PATJ: variants seen among roughly 807,000 people sequenced by gnomAD.
The protein encoded by PATJ is PATJ crumbs cell polarity complex component, also known as inaD-like protein.
In PATJ, 190 loss-of-function variants were observed where a neutral mutation model predicts 224.9. The ratio of observed to expected loss-of-function variants is 0.84; its 90% CI spans 0.75 to 0.95. The LOEUF (loss-of-function observed/expected upper bound fraction) is 0.95. Ranked by LOEUF, PATJ falls within the 40% of genes least tolerant of loss-of-function variation. The pLI is 0.00. For synonymous variants in PATJ, 769 were observed against 820.3 expected (o/e 0.94, Z 1.07); for missense variants, 2,121 against 2,270.3 (o/e 0.93, Z 1.34).
chr1:61,841,222 G>A (rs1661034721), intron 17 of PATJ, among the ~76,000 whole-genome samples: 1 of 151,822 alleles, frequency 6.6e-6, no homozygotes, highest in Non-Finnish European at 1.5e-5. Context: ...GTTTATTAGA[G>A]AATTTAGCTT....
intron 27 of PATJ, among the ~76,000 whole-genome samples, chr1:61,956,912 C>A (rs1013200619): frequency 6.6e-6 from 1 of 152,198 alleles, no homozygotes; most frequent in Non-Finnish European, 1.5e-5. Flanking sequence ...TTTCACAGAT[C>A]ACAGAACCTG....
At chr1:61,783,108 C>G (rs1647689201) in intron 7 of PATJ, among the ~76,000 whole-genome samples, 3 of 151,984 alleles carry the variant, frequency 2.0e-5, no homozygotes, top group Admixed American at 6.6e-5. Flanking sequence ...TAAGGAAGGC[C>G]CAGCTTGAGG....
At chr1:61,970,379 G>A (rs187484436) in intron 27 of PATJ, among the ~76,000 whole-genome samples, 3 of 151,564 alleles carry the variant, frequency 2.0e-5, no homozygotes, top group Admixed American at 1.3e-4. Context: ...ACATTGACAC[G>A]TCATTATCAC....
Position 61,789,794 on chromosome 1 carries a change from A to C in PATJ, c.1069-1554A>C, listed in dbSNP as rs554745455. Among the ~76,000 whole-genome samples the C allele has an allele frequency of 2.0e-5, 3 of 152,246 alleles. No individual in the cohort carries two copies. The East Asian group carries it at 5.8e-4, about 29-fold the overall frequency. Reference sequence around the variant, plus strand: ...TCCACTACACTCCAGCCTCGGTGACAGAGTGAGACTCTGTCTCAAAAAAAT... The same window carrying C: ...TCCACTACACTCCAGCCTCGGTGACCGAGTGAGACTCTGTCTCAAAAAAAT... On this transcript the variant is annotated intron_variant, in intron 8 of 43. Transcript: ENST00000642238.
intron 30 of PATJ, chr1:62,038,822 C>T (rs1158549188): frequency 2.1e-5 from 14 of 676,440 alleles, no homozygotes; most frequent in African/African-American, 5.3e-5. Context: ...GGTTCTGGGC[C>T]GGGGTGGACG....
At chr1:61,991,425 G>C (rs969675406) in intron 28 of PATJ, 1 of 870,914 alleles carries the variant, frequency 1.1e-6, no homozygotes, top group Non-Finnish European at 1.4e-6. Flanking sequence ...CTGAGTGTTA[G>C]ACTGCTTACT....
At chr1:61,770,831 G>A (rs1433888056) in intron 5 of PATJ, among the ~76,000 whole-genome samples, 1 of 151,524 alleles carries the variant, frequency 6.6e-6, no homozygotes, top group Non-Finnish European at 1.5e-5. Flanking sequence ...AATCACCTGA[G>A]CCTGGGAGGC....
chr1:61,807,373 C>T (rs937244588), intron 13 of PATJ, among the ~76,000 whole-genome samples: 3 of 152,004 alleles, frequency 2.0e-5, no homozygotes, highest in African/African-American at 7.2e-5. Flanking sequence ...GATGGTGTCT[C>T]GCTGTGTTGC....
chr1:61,906,891 G>A (rs1245273861), intron 24 of PATJ, among the ~76,000 whole-genome samples: 2 of 152,132 alleles, frequency 1.3e-5, no homozygotes, highest in African/African-American at 4.8e-5. Flanking sequence ...TAAGTGATAT[G>A]ATTTGGCTGT....
At chr1:61,869,458 A>G (rs1665986489) in intron 20 of PATJ, among the ~76,000 whole-genome samples, 1 of 152,090 alleles carries the variant, frequency 6.6e-6, no homozygotes. Context: ...GAGGGCATTT[A>G]TAGTAGCTTA....
chr1:62,127,873 C>A, intron 39 of PATJ, 99 bp from the exon 40 acceptor site: 1 of 1,224,902 alleles, frequency 8.2e-7, no homozygotes, highest in Non-Finnish European at 1.2e-6. Context: ...GGCCTCCTAC[C>A]TCATGGAGGG....
intron 1 of PATJ, among the ~76,000 whole-genome samples, chr1:61,743,724 A>G (rs981604914): frequency 7.9e-5 from 12 of 152,220 alleles, no homozygotes; most frequent in Non-Finnish European, 1.5e-5. Context: ...CCTTTTAGCT[A>G]AAGTGAGCTT....
chr1:61,871,529 G>A (rs1457601232), intron 20 of PATJ, among the ~76,000 whole-genome samples: 4 of 7,634 alleles, frequency 5.2e-4, no homozygotes, highest in Admixed American at 2.3e-3. Context: ...ATAAATATGT[G>A]TGTGTGTGTG....
At chr1:61,942,963 A>G (rs972355034) in intron 27 of PATJ, among the ~76,000 whole-genome samples, 1 of 152,214 alleles carries the variant, frequency 6.6e-6, no homozygotes, top group Admixed American at 6.5e-5. Flanking sequence ...TACTCCACAG[A>G]AGTTCGTAGC....
At chr1:62,142,639 C>G (rs1344475697) in intron 41 of PATJ, among the ~76,000 whole-genome samples, 5 of 152,198 alleles carry the variant, frequency 3.3e-5, no homozygotes, top group Admixed American at 3.3e-4. Context: ...AGATGCTAAT[C>G]ACCATAATTT....
At chr1:62,134,406 C>T (rs553072109) in intron 41 of PATJ, among the ~76,000 whole-genome samples, 2 of 143,850 alleles carry the variant, frequency 1.4e-5, no homozygotes, top group East Asian at 4.3e-4. Flanking sequence ...AGTGCAATGG[C>T]GTGATCCTGG....
intron 17 of PATJ, among the ~76,000 whole-genome samples, chr1:61,855,393 C>T (rs935020727): frequency 3.3e-5 from 5 of 152,074 alleles, no homozygotes; most frequent in African/African-American, 9.7e-5. Flanking sequence ...CTGATATTTG[C>T]GTGATGTTTT....
intron 5 of PATJ, among the ~76,000 whole-genome samples, chr1:61,770,829 G>A (rs1320381814): frequency 6.6e-6 from 1 of 151,570 alleles, no homozygotes; most frequent in Non-Finnish European, 1.5e-5. Context: ...AGAATCACCT[G>A]AGCCTGGGAG....
chr1:62,069,269 C>G (rs1384958335), intron 31 of PATJ, among the ~76,000 whole-genome samples: 1 of 152,120 alleles, frequency 6.6e-6, no homozygotes, highest in Non-Finnish European at 1.5e-5. Context: ...CAAGATGTGT[C>G]TGAGTTAAGT....
Sources: allele counts gnomAD v4.1 joint callset (sites outside exome capture counted in the v4.1 genomes callset), GRCh38; gene constraint gnomAD v4.1.1; transcripts MANE v1.5; gene names NCBI Gene and HGNC (gene_info 2026-07-23, HGNC 2026-07-21).